GPC4: variants seen among roughly 807,000 people sequenced by gnomAD.
GPC4 encodes the protein glypican 4.
GPC4 carries 10 observed loss-of-function variants against 35.0 expected under a neutral mutation model. The ratio of observed to expected loss-of-function variants is 0.29; its 90% CI spans 0.18 to 0.48. GPC4 has a LOEUF of 0.48. GPC4 is among the 20% of genes least tolerant of loss of function. The pLI, the probability that GPC4 is intolerant of heterozygous loss-of-function variation, is 0.99. For synonymous variants in GPC4, 167 were observed against 170.2 expected (o/e 0.98, Z 0.15); for missense variants, 322 against 451.3 (o/e 0.71, Z 2.60).
intron 1 of GPC4, among the ~76,000 whole-genome samples, chrX:133,389,293 A>G (rs1223810165): frequency 1.8e-5 from 2 of 111,550 alleles, no homozygotes; most frequent in Non-Finnish European, 3.8e-5. Context: ...ATTGCCTTGA[A>G]GACTGGAACT....
At chrX:133,333,382 G>C (rs191638743) in intron 2 of GPC4, among the ~76,000 whole-genome samples, 10 of 112,885 alleles carry the variant, frequency 8.9e-5, no homozygotes, top group Non-Finnish European at 1.7e-4. Context: ...CTTTGGGCTC[G>C]TAAAGCTGCA....
chrX:133,409,571 C>T (rs1484844647), intron 1 of GPC4, among the ~76,000 whole-genome samples: 3 of 111,204 alleles, frequency 2.7e-5, no homozygotes, highest in African/African-American at 9.8e-5. Flanking sequence ...TCTTTGCCCT[C>T]AAGTTGCTTC....
intron 2 of GPC4, among the ~76,000 whole-genome samples, chrX:133,331,804 T>C (rs2068421440): frequency 9.1e-6 from 1 of 109,968 alleles, no homozygotes; most frequent in Admixed American, 9.7e-5. Flanking sequence ...ATCATTATGA[T>C]ACCAATTTGC....
intron 2 of GPC4, among the ~76,000 whole-genome samples, chrX:133,326,971 G>A (rs1236688338): frequency 8.9e-6 from 1 of 112,416 alleles, no homozygotes; most frequent in Non-Finnish European, 1.9e-5. Flanking sequence ...AGGCACACGT[G>A]GATTGCGTTA....
chrX:133,306,250 C>T lies in GPC4; in HGVS notation c.878-96G>A, dbSNP rs2068290729. 6.3e-6 allele frequency: 6 copies of T among 949,644 alleles called. No homozygotes were observed. The East Asian group carries it at 1.9e-4, about 29-fold the overall frequency. 78.3% of individuals were successfully genotyped at this position (949,644 alleles called of 1,213,427 possible). On this transcript the variant is annotated intron_variant, in intron 4 of 8. Transcript: ENST00000370828. ...ATCTGATTTTTTTTTCTGTCTGTTT[C>T]CTGCATGGGGGCAGGGGAAGTAAGG...
chrX:133,338,720 G>C (rs1377542987), intron 2 of GPC4, among the ~76,000 whole-genome samples: 1 of 111,455 alleles, frequency 9.0e-6, no homozygotes, highest in Non-Finnish European at 1.9e-5. Context: ...GGAAACTCAA[G>C]AACTTTAATC....
rs1332914893 is a variant in GPC4 at position 133,302,859 on chromosome X, T to G, written c.*8A>C. 1 of 1,203,307 alleles carries G rather than the reference T, an allele frequency of 8.3e-7. No individual in the cohort carries two copies. The highest frequency in any genetic ancestry group is 1.7e-5 in the African/African-American group (1 of 57,156). ...TTTTGATGAACACTTTTTCTCAGAGTTTGAGAATTATCTCCACTCTCTCTG... is the reference window on the plus strand; with the variant it reads ...TTTTGATGAACACTTTTTCTCAGAGGTTGAGAATTATCTCCACTCTCTCTG... On this transcript the variant is annotated 3_prime_UTR_variant, in exon 9 of 9. Coordinates refer to ENST00000370828, the MANE Select transcript of GPC4 (RefSeq NM_001448.3).
At chrX:133,323,110 G>A (rs764922979) in intron 3 of GPC4, among the ~76,000 whole-genome samples, 6 of 111,203 alleles carry the variant, frequency 5.4e-5, no homozygotes, top group African/African-American at 3.3e-5. Context: ...ACAGTTGCAC[G>A]GTCTCACCCA....
intron 1 of GPC4, among the ~76,000 whole-genome samples, chrX:133,382,646 G>A (rs957067717): frequency 8.2e-5 from 9 of 110,285 alleles, no homozygotes; most frequent in African/African-American, 1.6e-4. Flanking sequence ...GGAGAATGGC[G>A]TGAACCCAGG....
chrX:133,357,868 C>T (rs943510085), intron 1 of GPC4, among the ~76,000 whole-genome samples: 5 of 111,660 alleles, frequency 4.5e-5, no homozygotes, highest in African/African-American at 1.6e-4. Flanking sequence ...TCAGAAGATG[C>T]TATATATTTC....
At chrX:133,382,277 A>AAAT (rs1330661771) in intron 1 of GPC4, among the ~76,000 whole-genome samples, 1 of 107,650 alleles carries the variant, frequency 9.3e-6, no homozygotes, top group Non-Finnish European at 1.9e-5. Context: ...AAAATACAAA[A>AAAT]TAGCTGGGCG....
intron 2 of GPC4, among the ~76,000 whole-genome samples, chrX:133,326,022 G>GTT (rs11427613): frequency 0.023 from 2,339 of 100,647 alleles, 78 homozygotes; most frequent in African/African-American, 0.077. Context: ...TATGGCTTGT[G>GTT]TTTTTTTTTT....
chrX:133,323,361 TC>T (rs756148316), intron 3 of GPC4, among the ~76,000 whole-genome samples: 7 of 111,335 alleles, frequency 6.3e-5, no homozygotes, highest in Non-Finnish European at 1.3e-4. Flanking sequence ...ACGCCTGCAA[TC>T]CCAGCTACTA....
chrX:133,341,341 G>A (rs759890238), intron 1 of GPC4, among the ~76,000 whole-genome samples: 2 of 111,874 alleles, frequency 1.8e-5, no homozygotes, highest in African/African-American at 3.2e-5. Flanking sequence ...CATACCCCCT[G>A]TAGAAAATGA....
In GPC4 at chrX:133,397,986, C is replaced by T. The variant is rs144419554; in HGVS notation, c.160+16820G>A. Among the ~76,000 whole-genome samples, 383 of 111,620 alleles carry T rather than the reference C, an allele frequency of 3.4e-3. 4 individuals are homozygous for T. Among genetic ancestry groups the T allele is most frequent in the African/African-American group, 0.012 (366 of 30,738 alleles). On this transcript the variant is annotated intron_variant, in intron 1 of 8. Coordinates refer to ENST00000370828, the MANE Select transcript of GPC4 (RefSeq NM_001448.3). ...GGCTGAGGCAGGAGAATCACTTGAA[C>T]CCAGGATGCACAAGCTGCTGTGAGC... is the stretch of plus-strand genomic sequence containing the variant.
In GPC4 at chrX:133,306,149, T is replaced by C; in HGVS notation, c.883A>G (p.Met295Val). The change falls in exon 5 of 9, where the codon ATG becomes GTG. Residue 295 changes from methionine (M) to valine (V), a missense_variant. Transcript: ENST00000370828. ...DFEWNNFIDA[M>V]LMVAERLEGP... is the part of the protein sequence containing the mutation. ...TCTAGCCTCTCTGCCACCATCAGCA[T>C]AGCATCTAATATGAGGTTTGGGGAA... 3 of 1,211,107 alleles carry C rather than the reference T, an allele frequency of 2.5e-6. No homozygotes were observed. The highest frequency in any genetic ancestry group is 3.4e-6 in the Non-Finnish European group (3 of 895,027).
chrX:133,381,621 C>A (rs893977532), intron 1 of GPC4, among the ~76,000 whole-genome samples: 1 of 112,498 alleles, frequency 8.9e-6, no homozygotes, highest in East Asian at 2.8e-4. Context: ...CAGATGTCTT[C>A]AAGGTCACAT....
intron 7 of GPC4, 108 bp from the exon 8 acceptor site, chrX:133,303,449 C>T: frequency 4.8e-6 from 3 of 629,359 alleles, no homozygotes; most frequent in Non-Finnish European, 7.1e-6. Flanking sequence ...GAAGATTATA[C>T]AAGAGGTTAT....
rs2068507191 is a variant in GPC4, at chrX:133,349,434, C to T, written c.161-10093G>A. ...GGAATCTCATTCTCAGATAGCCTGCCACAGCCATTTAGAATTCACAGGAAT... is the reference window on the plus strand; with the variant it reads ...GGAATCTCATTCTCAGATAGCCTGCTACAGCCATTTAGAATTCACAGGAAT... On this transcript the variant is annotated intron_variant, in intron 1 of 8. Coordinates refer to ENST00000370828, the MANE Select transcript of GPC4 (RefSeq NM_001448.3). 4.4e-5 allele frequency among the ~76,000 whole-genome samples: 5 copies of T among 112,510 alleles called. No homozygotes were observed. The South Asian group carries it at 1.8e-3, about 42-fold the overall frequency.
Sources: gnomAD v4.1 joint callset for allele counts (sites outside exome capture counted in the v4.1 genomes callset) on GRCh38, gnomAD v4.1.1 for gene constraint, MANE v1.5 for transcripts, NCBI Gene and HGNC (gene_info 2026-07-23, HGNC 2026-07-21) for gene names.